The following COX7B2 variants were observed in gnomAD, a reference collection of about 807,000 sequenced individuals.
COX7B2 encodes cytochrome c oxidase subunit 7B2.
For missense variants in COX7B2, 109 were observed against 95.9 expected (o/e 1.14, Z -0.57); for synonymous variants, 37 against 32.1 (o/e 1.15, Z -0.51).
intron 2 of COX7B2, among the ~76,000 whole-genome samples, chr4:46,832,662 G>T (rs1188467077): frequency 1.3e-5 from 2 of 152,104 alleles, no homozygotes; most frequent in Non-Finnish European, 2.9e-5. Context: ...CATGGAGGCA[G>T]ATTCCTAATA....
At chr4:46,908,981 T>C (rs1225318369) in intron 1 of COX7B2, among the ~76,000 whole-genome samples, 179 bp downstream of exon 1, 1 of 151,868 alleles carries the variant, frequency 6.6e-6, no homozygotes, top group Admixed American at 6.6e-5. Flanking sequence ...GAGGCGGAGC[T>C]TGCAGTGAGC....
intron 1 of COX7B2, among the ~76,000 whole-genome samples, chr4:46,864,519 G>A (rs1717527561): frequency 6.6e-6 from 1 of 152,160 alleles, no homozygotes; most frequent in Non-Finnish European, 1.5e-5. Flanking sequence ...ATGATCGTGT[G>A]CTGTCTCAGG....
intron 2 of COX7B2, among the ~76,000 whole-genome samples, chr4:46,828,543 C>A (rs538294477): frequency 6.6e-6 from 1 of 152,128 alleles, no homozygotes; most frequent in East Asian, 1.9e-4. Context: ...ATTACAAAAC[C>A]TTCCACTGGT....
intron 2 of COX7B2, among the ~76,000 whole-genome samples, chr4:46,776,378 G>A (rs1717152433): frequency 6.6e-6 from 1 of 150,798 alleles, no homozygotes. Context: ...CTTTTAAGCT[G>A]CAGAGTAGTT....
At chr4:46,757,514 C>T (rs1201089824) in intron 2 of COX7B2, among the ~76,000 whole-genome samples, 1 of 152,060 alleles carries the variant, frequency 6.6e-6, no homozygotes, top group African/African-American at 2.4e-5. Context: ...TGCTAACGCC[C>T]AAAACACTGC....
At chr4:46,891,568 T>A (rs1366152978) in intron 1 of COX7B2, among the ~76,000 whole-genome samples, 2 of 152,222 alleles carry the variant, frequency 1.3e-5, no homozygotes, top group Non-Finnish European at 2.9e-5. Context: ...GTCTTGTTTC[T>A]GATCTCAGAG....
intron 1 of COX7B2, among the ~76,000 whole-genome samples, chr4:46,858,743 A>T (rs544182974): frequency 2.6e-5 from 4 of 152,124 alleles, no homozygotes; most frequent in Non-Finnish European, 1.5e-5. Flanking sequence ...GAGTCATAGG[A>T]GTTGTCAAGA....
At chr4:46,899,510 A>G (rs1007496128) in intron 1 of COX7B2, among the ~76,000 whole-genome samples, 2 of 152,058 alleles carry the variant, frequency 1.3e-5, no homozygotes, top group African/African-American at 4.8e-5. Flanking sequence ...CAGGCTTAAC[A>G]ATTGGAGGGT....
intron 1 of COX7B2, among the ~76,000 whole-genome samples, chr4:46,869,838 A>C (rs1717877719): frequency 6.6e-6 from 1 of 152,064 alleles, no homozygotes; most frequent in South Asian, 2.1e-4. Context: ...GGAAAATCTG[A>C]TGATTATGTG....
At chr4:46,871,506 A>G (rs1360122379) in intron 1 of COX7B2, among the ~76,000 whole-genome samples, 1 of 152,186 alleles carries the variant, frequency 6.6e-6, no homozygotes, top group Non-Finnish European at 1.5e-5. Flanking sequence ...AATTAAATTT[A>G]AAACCTTCTG....
chr4:46,871,750 A>G (rs1038724343), intron 1 of COX7B2, among the ~76,000 whole-genome samples: 1 of 152,120 alleles, frequency 6.6e-6, no homozygotes, highest in African/African-American at 2.4e-5. Context: ...GTAACTTATC[A>G]TTAGAAAAAT....
chr4:46,736,700 G>T (rs1714385107), intron 2 of COX7B2, among the ~76,000 whole-genome samples: 1 of 152,066 alleles, frequency 6.6e-6, no homozygotes, highest in Admixed American at 6.6e-5. Flanking sequence ...TCATATAGTT[G>T]TAATCATACA....
intron 2 of COX7B2, among the ~76,000 whole-genome samples, chr4:46,750,641 T>A (rs988220045): frequency 6.6e-6 from 1 of 152,198 alleles, no homozygotes; most frequent in African/African-American, 2.4e-5. Flanking sequence ...ACTTCTTCAG[T>A]CTGCCTAGGC....
intron 2 of COX7B2, among the ~76,000 whole-genome samples, chr4:46,748,966 A>G (rs1471015311): frequency 1.3e-5 from 2 of 152,184 alleles, no homozygotes; most frequent in Non-Finnish European, 2.9e-5. Flanking sequence ...AGAGAAATAC[A>G]GTACATCAAA....
chr4:46,897,100 G>T (rs1156726173), intron 1 of COX7B2, among the ~76,000 whole-genome samples: 1 of 152,072 alleles, frequency 6.6e-6, no homozygotes, highest in Non-Finnish European at 1.5e-5. Context: ...GTAGACTATG[G>T]CTGGCTTCCC....
intron 2 of COX7B2, among the ~76,000 whole-genome samples, chr4:46,786,027 G>A (rs1009017400): frequency 6.6e-6 from 1 of 151,652 alleles, no homozygotes; most frequent in Non-Finnish European, 1.5e-5. Flanking sequence ...TTCTTTTTTT[G>A]AAATTCAAAA....
chr4:46,775,009 C>T (rs949502368), intron 2 of COX7B2, among the ~76,000 whole-genome samples: 1 of 152,026 alleles, frequency 6.6e-6, no homozygotes, highest in African/African-American at 2.4e-5. Context: ...GTTTCCATAT[C>T]TATGAAATAA....
intron 2 of COX7B2, among the ~76,000 whole-genome samples, chr4:46,740,968 A>G (rs950990563): frequency 2.0e-5 from 3 of 152,086 alleles, no homozygotes; most frequent in African/African-American, 7.2e-5. Flanking sequence ...CTGAAAGGTC[A>G]AAGCATACAT....
intron 2 of COX7B2, among the ~76,000 whole-genome samples, chr4:46,738,087 G>C (rs541269724): frequency 6.2e-4 from 94 of 152,224 alleles, no homozygotes; most frequent in African/African-American, 2.1e-3. Context: ...GGTATGACAG[G>C]TGCAGCCTTA....
Sources: allele counts gnomAD v4.1 joint callset (sites outside exome capture counted in the v4.1 genomes callset), GRCh38; gene constraint gnomAD v4.1.1; transcripts MANE v1.5; gene names NCBI Gene and HGNC (gene_info 2026-07-23, HGNC 2026-07-21).